Variants in RIT2 observed in about 807,000 individuals in gnomAD.
The protein encoded by RIT2 is Ras like without CAAX 2, also known as GTP-binding protein Rit2.
RIT2 carries 24 observed loss-of-function variants against 23.7 expected under a neutral mutation model. The observed-to-expected ratio is 1.01, with a 90% CI of 0.73 to 1.43. The LOEUF is 1.43. Among genes scored for constraint, RIT2 ranks in the 40% most tolerant of loss-of-function variants. The pLI, the probability that RIT2 is intolerant of heterozygous loss-of-function variation, is 0.00. For synonymous variants in RIT2, 107 were observed against 91.1 expected (o/e 1.17, Z -0.99); for missense variants, 236 against 266.9 (o/e 0.88, Z 0.81).
In RIT2 at chr18:43,115,479, G is replaced by A. The variant is rs745967365; in HGVS notation, c.41C>T (p.Ala14Val). 1 of 1,613,558 alleles carries A rather than the reference G, an allele frequency of 6.2e-7. No homozygotes were observed. Among genetic ancestry groups the A allele is most frequent in the Admixed American group, 1.7e-5 (1 of 59,904 alleles). ...ENEASCSPGS[A>V]SGGSREYKVV... Reference sequence around the variant, plus strand: ...CTTGTACTCTCTGGACCCGCCTGATGCGCTGCCCGGGGAGCAGCTGGCTTC... The same window carrying A: ...CTTGTACTCTCTGGACCCGCCTGATACGCTGCCCGGGGAGCAGCTGGCTTC... The change falls in exon 1 of 5, where the codon GCA (alanine) becomes GTA (valine). Residue 14 changes from alanine (A) to valine (V), a missense_variant. Transcript: ENST00000326695.
chr18:42,891,326 TCTC>T (rs1299603367), intron 4 of RIT2, among the ~76,000 whole-genome samples: 1 of 152,156 alleles, frequency 6.6e-6, no homozygotes, highest in Non-Finnish European at 1.5e-5. Flanking sequence ...TAGCCTTCCA[TCTC>T]CATATTTAAA....
chr18:42,941,463 C>T (rs1268273804), intron 3 of RIT2, among the ~76,000 whole-genome samples: 4 of 151,926 alleles, frequency 2.6e-5, no homozygotes, highest in Admixed American at 2.6e-4. Flanking sequence ...TCACTGTTTG[C>T]CGCCCATAGA....
In RIT2 at chr18:42,811,693, T is replaced by C. The variant is rs147264971; in HGVS notation, c.427-67973A>G. 3.2e-4 allele frequency among the ~76,000 whole-genome samples: 49 copies of C among 152,200 alleles called. No individual in the cohort carries two copies. In the East Asian group the frequency reaches 7.9e-3, roughly 25 times the overall value. On this transcript the variant is annotated intron_variant, in intron 4 of 4. Transcript: ENST00000326695. The stretch of plus-strand genomic sequence containing the variant: ...TTAGTTGAAAAATATGTCATGTCAA[T>C]CCAAATATTGTCATGCCTTAGTTGA...
chr18:42,863,557 A>G (rs1907386797), intron 4 of RIT2, among the ~76,000 whole-genome samples: 1 of 152,158 alleles, frequency 6.6e-6, no homozygotes, highest in Non-Finnish European at 1.5e-5. Flanking sequence ...TAAACAAACA[A>G]TGTTATTGAA....
At chr18:42,962,295 A>T (rs1910111026) in intron 3 of RIT2, among the ~76,000 whole-genome samples, 1 of 152,238 alleles carries the variant, frequency 6.6e-6, no homozygotes, top group Non-Finnish European at 1.5e-5. Context: ...GACAATGAGA[A>T]AACAATTTTA....
intron 4 of RIT2, among the ~76,000 whole-genome samples, chr18:42,917,442 C>A (rs950597620): frequency 6.6e-6 from 1 of 152,028 alleles, no homozygotes; most frequent in Non-Finnish European, 1.5e-5. Context: ...GTAATCTTGT[C>A]ACTTGCCATC....
chr18:43,021,056 G>A (rs1010665406), intron 2 of RIT2, among the ~76,000 whole-genome samples: 5 of 151,992 alleles, frequency 3.3e-5, no homozygotes, highest in Admixed American at 2.6e-4. Flanking sequence ...AAAGGAAACA[G>A]TCAACAAAAT....
At position 42,929,034 on chromosome 18, in the gene RIT2, G is replaced by GATTATAT. The variant is rs1555647355; in HGVS notation, c.235-5272_235-5271insATATAAT. Among the ~76,000 whole-genome samples, 6 of 96,956 alleles carry GATTATAT rather than the reference G, an allele frequency of 6.2e-5. No individual in the cohort carries two copies. The South Asian group carries it at 1.4e-3, about 23-fold the overall frequency. The allele number at this position is 96,956 out of a possible 152,430, so 63.6% of individuals were successfully genotyped here. On this transcript the variant is annotated intron_variant, in intron 3 of 4. Transcript: ENST00000326695. ...ACATATACTAAAACTAAAATATGGA[G>GATTATAT]ATATATATATATATATATATATATT...
chr18:42,877,482 T>A (rs73471654), intron 4 of RIT2, among the ~76,000 whole-genome samples: 19,594 of 149,200 alleles, frequency 0.13, 1,325 homozygotes, highest in Middle Eastern at 0.26. Context: ...GTAAACAATT[T>A]AAAAAAAATG....
At chr18:42,925,509 C>T (rs1394269959) in intron 3 of RIT2, among the ~76,000 whole-genome samples, 1 of 151,824 alleles carries the variant, frequency 6.6e-6, no homozygotes, top group Non-Finnish European at 1.5e-5. Context: ...AAAATGCAAG[C>T]TAAAATGGAA....
intron 2 of RIT2, among the ~76,000 whole-genome samples, chr18:43,032,074 CA>C (rs1911866980): frequency 6.6e-6 from 1 of 152,178 alleles, no homozygotes; most frequent in Admixed American, 6.5e-5. Flanking sequence ...AAAATCGGAT[CA>C]AAAGTAATAA....
intron 4 of RIT2, among the ~76,000 whole-genome samples, chr18:42,826,704 T>A (rs570652949): frequency 1.3e-5 from 2 of 152,254 alleles, no homozygotes; most frequent in East Asian, 1.9e-4. Flanking sequence ...CAATTTGATA[T>A]CTACATGGAC....
chr18:42,747,826 G>T (rs1003086022), intron 4 of RIT2, among the ~76,000 whole-genome samples: 12 of 152,094 alleles, frequency 7.9e-5, no homozygotes, highest in Admixed American at 1.3e-4. Context: ...AGGATAATTG[G>T]CAAGCCACAC....
chr18:43,074,706 C>T (rs181517978), intron 1 of RIT2, among the ~76,000 whole-genome samples: 39 of 152,272 alleles, frequency 2.6e-4, no homozygotes, highest in African/African-American at 7.9e-4. Flanking sequence ...CCATGGAATA[C>T]GATGCAGCCA....
At chr18:42,756,232 C>T (rs1208548260) in intron 4 of RIT2, among the ~76,000 whole-genome samples, 1 of 152,160 alleles carries the variant, frequency 6.6e-6, no homozygotes, top group Non-Finnish European at 1.5e-5. Context: ...TGAGCGCCTA[C>T]TCTGGAAATG....
chr18:43,115,485 C>A lies in RIT2; in HGVS notation c.35G>T (p.Gly12Val). 6.2e-7 allele frequency: 1 copy of A among 1,613,446 alleles called. No homozygotes were observed. Among genetic ancestry groups the A allele is most frequent in the Non-Finnish European group, 8.5e-7 (1 of 1,179,712 alleles). ...EVENEASCSP[G>V]SASGGSREYK... The stretch of plus-strand genomic sequence containing the variant: ...CTCTCTGGACCCGCCTGATGCGCTG[C>A]CCGGGGAGCAGCTGGCTTCATTTTC... The change falls in exon 1 of 5, where the codon GGC (glycine) becomes GTC (valine). Residue 12 changes from glycine (G) to valine (V), a missense_variant. By Grantham distance (109) the Gly-to-Val change is moderately radical (BLOSUM62 -3). Coordinates refer to ENST00000326695, the MANE Select transcript of RIT2 (RefSeq NM_002930.4).
At chr18:43,102,096 G>C (rs1338076665) in intron 1 of RIT2, among the ~76,000 whole-genome samples, 5 of 152,186 alleles carry the variant, frequency 3.3e-5, no homozygotes, top group Non-Finnish European at 7.3e-5. Context: ...TCAGGGAGAA[G>C]TGATGCTTTG....
At chr18:42,743,749 G>T (rs905553011) in intron 4 of RIT2, 29 bp from the exon 5 acceptor site, 1 of 1,491,102 alleles carries the variant, frequency 6.7e-7, no homozygotes, top group Non-Finnish European at 9.2e-7. Context: ...ATATTAAAAA[G>T]ACAGAAAGAG....
chr18:43,010,839 C>T (rs1442865473), intron 2 of RIT2, among the ~76,000 whole-genome samples: 2 of 151,754 alleles, frequency 1.3e-5, no homozygotes, highest in Non-Finnish European at 2.9e-5. Flanking sequence ...ACGTGTTCAA[C>T]ATTACATAAT....
Sources: gnomAD v4.1 joint callset for allele counts (sites outside exome capture counted in the v4.1 genomes callset) on GRCh38, gnomAD v4.1.1 for gene constraint, MANE v1.5 for transcripts, NCBI Gene and HGNC (gene_info 2026-07-23, HGNC 2026-07-21) for gene names.